Variants in ADCY8 observed in about 807,000 individuals in gnomAD.
ADCY8 encodes the protein adenylate cyclase type 8.
ADCY8 carries 51 observed loss-of-function variants against 119.7 expected under a neutral mutation model. The ratio of observed to expected loss-of-function variants is 0.43; its 90% CI spans 0.34 to 0.54. The LOEUF is 0.54. ADCY8 is among the 20% of genes least tolerant of loss of function. The pLI is 0.03. For missense variants in ADCY8, 1,383 were observed against 1,598.8 expected (o/e 0.87, Z 2.30); for synonymous variants, 665 against 651.0 (o/e 1.02, Z -0.33).
At chr8:130,865,732 A>G (rs1036320391) in intron 9 of ADCY8, among the ~76,000 whole-genome samples, 1 of 152,128 alleles carries the variant, frequency 6.6e-6, no homozygotes, top group Non-Finnish European at 1.5e-5. Flanking sequence ...GTGTTTCAAA[A>G]CATCATAGCT....
At chr8:130,782,984 G>A (rs1815132580) in intron 17 of ADCY8, among the ~76,000 whole-genome samples, 1 of 152,216 alleles carries the variant, frequency 6.6e-6, no homozygotes, top group Non-Finnish European at 1.5e-5. Context: ...TGGTGTGACT[G>A]TGTGATCTTA....
intron 14 of ADCY8, among the ~76,000 whole-genome samples, chr8:130,806,592 A>G (rs1369813589): frequency 6.6e-6 from 1 of 152,198 alleles, no homozygotes; most frequent in African/African-American, 2.4e-5. Flanking sequence ...GGATGAGAAG[A>G]GCCCAAAAGG....
At chr8:131,012,528 C>A (rs1467798946) in intron 1 of ADCY8, among the ~76,000 whole-genome samples, 2 of 152,304 alleles carry the variant, frequency 1.3e-5, no homozygotes. Context: ...CCTAGAGGTA[C>A]AAGGGGTGCA....
chr8:130,880,524 C>A (rs928169521), intron 8 of ADCY8, among the ~76,000 whole-genome samples: 6 of 152,154 alleles, frequency 3.9e-5, no homozygotes, highest in African/African-American at 1.4e-4. Flanking sequence ...TCTGTAAGCC[C>A]ACTTAGGAAA....
intron 2 of ADCY8, among the ~76,000 whole-genome samples, chr8:130,978,358 A>AATGAAGTGATCAAACAAGCGTACTAGATG (rs1822136442): frequency 6.6e-6 from 1 of 152,236 alleles, no homozygotes; most frequent in Non-Finnish European, 1.5e-5. Flanking sequence ...AATGGATTAT[A>AATGAAGTGATCAAACAAGCGTACTAGATG]GAGTTCAACA....
intron 1 of ADCY8, among the ~76,000 whole-genome samples, chr8:131,035,226 A>C (rs1018948812): frequency 6.6e-6 from 1 of 152,152 alleles, no homozygotes; most frequent in Non-Finnish European, 1.5e-5. Flanking sequence ...CGGTTTCATA[A>C]GAAAGAAACG....
At chr8:130,893,102 G>A (rs770528902) in intron 7 of ADCY8, among the ~76,000 whole-genome samples, 5 of 152,138 alleles carry the variant, frequency 3.3e-5, no homozygotes, top group Non-Finnish European at 5.9e-5. Flanking sequence ...ATCAAAAAAT[G>A]TTGTTAAACT....
At chr8:131,021,388 G>A (rs954743237) in intron 1 of ADCY8, among the ~76,000 whole-genome samples, 1 of 152,124 alleles carries the variant, frequency 6.6e-6, no homozygotes, top group Admixed American at 6.6e-5. Context: ...GATGGCTAAA[G>A]GATGTAGGGT....
chr8:130,935,800 A>G (rs965180550), intron 5 of ADCY8, among the ~76,000 whole-genome samples: 26 of 152,282 alleles, frequency 1.7e-4, no homozygotes, highest in Admixed American at 3.3e-4. Flanking sequence ...TTCCTTTGTG[A>G]AAACTGGGTT....
Position 130,883,557 on chromosome 8 carries a change from A to G in ADCY8, c.2109+1007T>C, listed in dbSNP as rs558615350. Among the ~76,000 whole-genome samples the G allele has an allele frequency of 4.6e-5, 7 of 152,318 alleles. No homozygotes were observed. The South Asian group carries it at 1.2e-3, about 27-fold the overall frequency. On this transcript the variant is annotated intron_variant, in intron 8 of 17. Coordinates refer to ENST00000286355, the MANE Select transcript of ADCY8 (RefSeq NM_001115.3). Reference sequence around the variant, plus strand: ...CACAGAATTGTGAATTCTCTAAACTAAGGAAAGCAAATCTCCCAGGCAGCT... The same window carrying G: ...CACAGAATTGTGAATTCTCTAAACTGAGGAAAGCAAATCTCCCAGGCAGCT...
chr8:130,782,016 T>TTAATATAATTCATTAATATAA (rs1815096053), intron 17 of ADCY8, among the ~76,000 whole-genome samples: 2 of 152,190 alleles, frequency 1.3e-5, no homozygotes, highest in Admixed American at 1.3e-4. Flanking sequence ...TAATATAATA[T>TTAATATAATTCATTAATATAA]TAATGAATGA....
At chr8:130,895,375 T>C (rs1819351776) in intron 7 of ADCY8, among the ~76,000 whole-genome samples, 1 of 152,116 alleles carries the variant, frequency 6.6e-6, no homozygotes, top group Non-Finnish European at 1.5e-5. Context: ...AAATGTGTAT[T>C]TTTCATGTCT....
At chr8:130,854,688 T>C (rs1817649829) in intron 9 of ADCY8, among the ~76,000 whole-genome samples, 1 of 152,160 alleles carries the variant, frequency 6.6e-6, no homozygotes, top group African/African-American at 2.4e-5. Flanking sequence ...AAGTGGGCAT[T>C]ATCATTCCCA....
At chr8:131,028,211 T>C (rs1823880259) in intron 1 of ADCY8, among the ~76,000 whole-genome samples, 1 of 152,264 alleles carries the variant, frequency 6.6e-6, no homozygotes, top group African/African-American at 2.4e-5. Context: ...TCTATGTTTT[T>C]AAGGAAATAT....
chr8:130,884,051 C>T (rs1322252150), intron 8 of ADCY8, among the ~76,000 whole-genome samples: 2 of 78,676 alleles, frequency 2.5e-5, no homozygotes, highest in African/African-American at 4.9e-5. Context: ...AATCCACAAC[C>T]CATTTCTTTC....
chr8:130,846,622 T>G (rs1586474162), intron 11 of ADCY8, among the ~76,000 whole-genome samples: 1 of 115,136 alleles, frequency 8.7e-6, no homozygotes, highest in Admixed American at 8.9e-5. Flanking sequence ...TTCCTTTTCC[T>G]TCCTTCCTTC....
intron 14 of ADCY8, among the ~76,000 whole-genome samples, chr8:130,804,522 T>C (rs1462541795): frequency 1.3e-5 from 2 of 152,228 alleles, no homozygotes; most frequent in Non-Finnish European, 2.9e-5. Flanking sequence ...CATAATTCAG[T>C]CCATTATGCC....
intron 5 of ADCY8, among the ~76,000 whole-genome samples, chr8:130,934,271 G>A (rs1025695806): frequency 2.3e-4 from 35 of 151,782 alleles, no homozygotes; most frequent in African/African-American, 7.5e-4. Flanking sequence ...GTAGTTCCAC[G>A]GGCTGTACAG....
intron 3 of ADCY8, among the ~76,000 whole-genome samples, chr8:130,951,286 A>G (rs1187572703): frequency 6.6e-6 from 1 of 152,220 alleles, no homozygotes; most frequent in African/African-American, 2.4e-5. Context: ...CTCACCATGG[A>G]GTTCACCCTT....
Sources: allele counts gnomAD v4.1 joint callset (sites outside exome capture counted in the v4.1 genomes callset), GRCh38; gene constraint gnomAD v4.1.1; transcripts MANE v1.5; gene names NCBI Gene and HGNC (gene_info 2026-07-23, HGNC 2026-07-21).